SREBF1: variants seen among roughly 807,000 people sequenced by gnomAD.
SREBF1 encodes the protein sterol regulatory element-binding protein 1.
Under a neutral mutation model 100.1 loss-of-function variants are expected in SREBF1, and 45 were observed. That is an observed-to-expected ratio of 0.45 (90% CI 0.35 to 0.58). The LOEUF (loss-of-function observed/expected upper bound fraction) is 0.58, where lower values mean the gene tolerates loss of function less well. SREBF1 is among the 20% of genes least tolerant of loss of function. The pLI, the probability that SREBF1 is intolerant of heterozygous loss-of-function variation, is 0.00. For missense variants in SREBF1, 1,324 were observed against 1,539.4 expected (o/e 0.86, Z 2.34); for synonymous variants, 657 against 681.8 (o/e 0.96, Z 0.57).
At chr17:17,827,961 A>C (rs1020912235) in intron 1 of SREBF1, among the ~76,000 whole-genome samples, 5 of 150,492 alleles carry the variant, frequency 3.3e-5, no homozygotes, top group African/African-American at 9.8e-5. Context: ...CCTAACCACC[A>C]CCCCCCCAGA....
chr17:17,831,993 G>A (rs559510632), intron 1 of SREBF1, among the ~76,000 whole-genome samples: 1 of 152,204 alleles, frequency 6.6e-6, no homozygotes. Flanking sequence ...GGATGGGGAG[G>A]TAGCCACATA....
Position 17,819,197 on chromosome 17 carries a change from G to A in SREBF1, c.884C>T (p.Pro295Leu). 6.2e-7 allele frequency: 1 copy of A among 1,614,140 alleles called. No homozygotes were observed. Among genetic ancestry groups the A allele is most frequent in the Non-Finnish European group, 8.5e-7 (1 of 1,180,046 alleles). Residue 295 changes from proline (P) to leucine (L), a missense_variant, in exon 5 of 19, where the codon CCA becomes CTA. Pro to Leu is a moderately conservative substitution (Grantham distance 98). Transcript: ENST00000261646. ...VSGGTILATVPLVVDAEKLPI... is the reference protein window; with the variant it reads ...VSGGTILATVLLVVDAEKLPI... ...CAGCTTCTCCGCATCTACGACCAGT[G>A]GGACTGTTGCCAAGATGGTTCCGCC...
Position 17,818,358 on chromosome 17 carries a change from A to T in SREBF1, c.1085T>A (p.Val362Asp). The change falls in exon 6 of 19, where the codon GTC becomes GAC. Residue 362 changes from valine (V) to aspartate (D), a missense_variant. Physicochemically the swap from Val to Asp is radical, Grantham distance 152. Coordinates refer to ENST00000261646, the MANE Select transcript of SREBF1 (RefSeq NM_004176.5). ...AATGTAGTCGATGGCCTTGCGCAAG[A>T]CAGCAGATTTATTCAGCTGCACGGT... ...GTEAKLNKSA[V>D]LRKAIDYIRF... 6.2e-7 allele frequency: 1 copy of T among 1,613,528 alleles called. No homozygotes were observed. The highest frequency in any genetic ancestry group is 1.7e-4 in the Middle Eastern group (1 of 5,764).
chr17:17,825,333 C>CTCTCT (rs2034415526), intron 1 of SREBF1, among the ~76,000 whole-genome samples: 1 of 152,006 alleles, frequency 6.6e-6, no homozygotes, highest in African/African-American at 2.4e-5. Context: ...TGAGGAAGCG[C>CTCTCT]GATGGGAGAG....
chr17:17,832,650 G>A (rs2034930136), intron 1 of SREBF1, among the ~76,000 whole-genome samples: 1 of 152,204 alleles, frequency 6.6e-6, no homozygotes, highest in Non-Finnish European at 1.5e-5. Flanking sequence ...GCCAGGCACA[G>A]TGGCTCACGC....
At chr17:17,831,426 G>A (rs1889018) in intron 1 of SREBF1, among the ~76,000 whole-genome samples, 68,047 of 151,762 alleles carry the variant, frequency 0.45, 18,382 homozygotes, top group Non-Finnish European at 0.63. Flanking sequence ...TCGGGGCAAG[G>A]TGACACCCAG....
chr17:17,815,134 G>T, intron 13 of SREBF1, 87 bp downstream of exon 13: 1 of 1,378,830 alleles, frequency 7.3e-7, no homozygotes, highest in African/African-American at 1.4e-5. Flanking sequence ...GCCCAGCTCT[G>T]GGCTCTCTCC....
chr17:17,812,264 GGAAAGCCAAGTTGGCTTC>G lies in SREBF1; in HGVS notation c.*340_*357del. ...GGGGCAGAGCCCTGCTTGCAGTCCG[GGAAAGCCAAGTTGGCTTC>G]CGTCAGCACAGGGAAATGTACCCCT... On this transcript the variant is annotated 3_prime_UTR_variant, in exon 19 of 19. Coordinates refer to ENST00000261646, the MANE Select transcript of SREBF1 (RefSeq NM_004176.5). 3 of 420,404 alleles carry G rather than the reference GGAAAGCCAAGTTGGCTTC, an allele frequency of 7.1e-6. No homozygotes were observed. Among genetic ancestry groups the G allele is most frequent in the Non-Finnish European group, 1.3e-5 (3 of 230,998 alleles). 26.0% of individuals were successfully genotyped at this position (420,404 alleles called of 1,614,324 possible). A position where few individuals can be genotyped will look rare whatever the true frequency, so the allele number is the denominator to read the frequency against.
In SREBF1 at chr17:17,813,435, G is replaced by T; in HGVS notation, c.3147C>A (p.Ser1049Arg). 6.3e-7 allele frequency: 1 copy of T among 1,599,714 alleles called. No homozygotes were observed. ...EATARLMAGASPTRTHQLLDR... is the reference protein window; with the variant it reads ...EATARLMAGARPTRTHQLLDR... ...CGAGGAGCTGGTGTGTCCGTGTGGG[G>T]CTGGCCCCCGCCATCAGCCGGGCCG... Residue 1049 changes from serine to arginine, a missense_variant, in exon 18 of 19, where the codon AGC (serine) becomes AGA (arginine). Coordinates refer to ENST00000261646, the MANE Select transcript of SREBF1 (RefSeq NM_004176.5).
In SREBF1 at chr17:17,815,341, AG is replaced by A. The variant is rs2033442725; in HGVS notation, c.2384-13del. The A allele has an allele frequency of 6.2e-7, 1 of 1,609,312 alleles. No homozygotes were observed. Among genetic ancestry groups the A allele is most frequent in the African/African-American group, 1.3e-5 (1 of 74,824 alleles). On this transcript the variant is annotated splice_polypyrimidine_tract_variant and intron_variant, in intron 12 of 18. Coordinates refer to ENST00000261646, the MANE Select transcript of SREBF1 (RefSeq NM_004176.5). ...GGCCAGGGGGTCCACTGTGGAGAGG[AG>A]GAGGTGAGTGGGGTGGGGAGCAGGG...
At position 17,819,419 on chromosome 17, in the gene SREBF1, C is replaced by T. The variant is rs746795124; in HGVS notation, c.747G>A (p.Ser249=). 2.6e-5 allele frequency: 42 copies of T among 1,613,674 alleles called. No individual in the cohort carries two copies. The highest frequency in any genetic ancestry group is 3.3e-5 in the South Asian group (3 of 91,092). ...CTGTCTTCATGGCTGTCAGAAGCAG[C>T]GAGTCTGCCTTGATGAAGTGGGGCT... ...LLQPHFIKAD[S]LLLTAMKTDG... Residue 249 remains serine, a synonymous_variant, in exon 4 of 19, where the codon TCG becomes TCA. Transcript: ENST00000261646.
chr17:17,818,332 GA>G lies in SREBF1; in HGVS notation c.1110del (p.Arg371AlafsTer15). 1 of 1,613,902 alleles carries G rather than the reference GA, an allele frequency of 6.2e-7. No individual in the cohort carries two copies. Among genetic ancestry groups the G allele is most frequent in the Non-Finnish European group, 8.5e-7 (1 of 1,180,010 alleles). On this transcript the variant is annotated frameshift_variant, in exon 6 of 19. Transcript: ENST00000261646. LOFTEE classifies it high-confidence loss of function. ...SAVLRKAIDY[I>X]RFLQHSNQKL... The stretch of plus-strand genomic sequence containing the variant: ...TTCTGGTTGCTGTGTTGCAGAAAGC[GA>G]ATGTAGTCGATGGCCTTGCGCAAGA...
chr17:17,813,854 TC>T, intron 16 of SREBF1, 85 bp from the exon 17 acceptor site: 1 of 1,371,240 alleles, frequency 7.3e-7, no homozygotes. Flanking sequence ...AGGGGCCGGC[TC>T]CGGGCTGCAC....
intron 13 of SREBF1, 137 bp from the exon 14 acceptor site, chr17:17,815,081 A>T (rs1598113303): frequency 8.3e-7 from 1 of 1,211,154 alleles, no homozygotes; most frequent in Admixed American, 1.9e-5. Context: ...TGGTGGGGAG[A>T]GGAAACTCAG....
chr17:17,826,433 G>A (rs1256873105), intron 1 of SREBF1, among the ~76,000 whole-genome samples: 1 of 152,106 alleles, frequency 6.6e-6, no homozygotes, highest in Non-Finnish European at 1.5e-5. Flanking sequence ...GGGGCTCACT[G>A]TGGCACCCAA....
At chr17:17,827,619 G>A (rs1041919834) in intron 1 of SREBF1, among the ~76,000 whole-genome samples, 3 of 152,154 alleles carry the variant, frequency 2.0e-5, no homozygotes, top group Non-Finnish European at 2.9e-5. Context: ...AGCTCTTCCC[G>A]GAATGGGACG....
intron 1 of SREBF1, among the ~76,000 whole-genome samples, chr17:17,836,245 G>A (rs2035220059): frequency 6.6e-6 from 1 of 152,284 alleles, no homozygotes; most frequent in Non-Finnish European, 1.5e-5. Context: ...ACGAGGCGGG[G>A]GAAGGGCGCG....
rs1721453169 is a variant in SREBF1 at position 17,824,292 on chromosome 17, G to A, written c.92-3771C>T. Reference sequence around the variant, plus strand: ...AGCGGGGCTGATGGTCTGGGATGAGGCCACTCCTGAAAACAGGTCACTTCC... The same window carrying A: ...AGCGGGGCTGATGGTCTGGGATGAGACCACTCCTGAAAACAGGTCACTTCC... On this transcript the variant is annotated intron_variant, in intron 1 of 18. Transcript: ENST00000261646. This position sits in a 1 kb window ranked among gnomAD's most constrained non-coding sequence, Gnocchi z 4.2. Among the ~76,000 whole-genome samples, 2 of 152,194 alleles carry A rather than the reference G, an allele frequency of 1.3e-5. No homozygotes were observed. The highest frequency in any genetic ancestry group is 4.8e-5 in the African/African-American group (2 of 41,438).
At chr17:17,814,050 C>T (rs1443838432) in intron 16 of SREBF1, 195 bp downstream of exon 16, 1 of 690,860 alleles carries the variant, frequency 1.4e-6, no homozygotes, top group Non-Finnish European at 2.4e-6. Context: ...GATGGGGAAA[C>T]TGAGGCCAGA....
Sources: gnomAD v4.1 joint callset for allele counts (sites outside exome capture counted in the v4.1 genomes callset) on GRCh38, gnomAD v4.1.1 for gene constraint, Gnocchi (gnomAD v3.1) non-coding constraint, MANE v1.5 for transcripts, NCBI Gene and HGNC (gene_info 2026-07-23, HGNC 2026-07-21) for gene names.